Variants in IWS1 observed in about 807,000 individuals in gnomAD.
The protein encoded by IWS1 is protein IWS1 homolog.
In IWS1, 27 loss-of-function variants were observed where a neutral mutation model predicts 86.7. That is an observed-to-expected ratio of 0.31 (90% CI 0.23 to 0.43). The LOEUF (loss-of-function observed/expected upper bound fraction) is 0.43, where lower values mean the gene tolerates loss of function less well. IWS1 is among the 20% of genes least tolerant of loss of function. IWS1 has a pLI of 1.00. For missense variants in IWS1, 827 were observed against 1,000.8 expected (o/e 0.83, Z 2.34); for synonymous variants, 313 against 335.1 (o/e 0.93, Z 0.72).
intron 13 of IWS1, among the ~76,000 whole-genome samples, chr2:127,486,188 T>C (rs995627289): frequency 1.1e-4 from 17 of 152,156 alleles, no homozygotes; most frequent in African/African-American, 4.1e-4. Flanking sequence ...GAGAGGTAGG[T>C]CTGCTGAAGC....
At chr2:127,508,964 C>T (rs963694340) in intron 2 of IWS1, among the ~76,000 whole-genome samples, 19 of 152,178 alleles carry the variant, frequency 1.2e-4, no homozygotes, top group African/African-American at 3.6e-4. Flanking sequence ...AAAACAAACC[C>T]TTACAAGGAC....
At chr2:127,517,061 G>C (rs1487706927) in intron 2 of IWS1, among the ~76,000 whole-genome samples, 1 of 152,000 alleles carries the variant, frequency 6.6e-6, no homozygotes, top group East Asian at 1.9e-4. Context: ...CAAAGAAATC[G>C]AACATGTATA....
chr2:127,526,966 C>T (rs537272562), upstream of IWS1: 948 of 260,420 alleles, frequency 3.6e-3, 5 homozygotes, highest in Non-Finnish European at 6.0e-3. Flanking sequence ...CTCTTTCATT[C>T]TAAACAACGA....
chr2:127,494,803 C>T, intron 8 of IWS1, 69 bp downstream of exon 8: 2 of 822,648 alleles, frequency 2.4e-6, no homozygotes, highest in Non-Finnish European at 4.0e-6. Flanking sequence ...TCCTAGAACA[C>T]CAGTACATCA....
chr2:127,523,840 A>G (rs1315406807), intron 1 of IWS1, 49 bp from the exon 2 acceptor site: 3 of 1,243,264 alleles, frequency 2.4e-6, no homozygotes, highest in South Asian at 1.3e-5. Flanking sequence ...GATGAATGAC[A>G]TCTACAGTGA....
intron 9 of IWS1, 56 bp downstream of exon 9, chr2:127,493,225 C>A (rs1377362397): frequency 6.6e-7 from 1 of 1,511,800 alleles, no homozygotes; most frequent in Non-Finnish European, 8.9e-7. Flanking sequence ...CAGGTTATGA[C>A]CATACAGACC....
chr2:127,493,413 G>A lies in IWS1; in HGVS notation c.1800-3C>T, dbSNP rs919125175. 1.3e-6 allele frequency: 2 copies of A among 1,590,484 alleles called. No homozygotes were observed. Among genetic ancestry groups the A allele is most frequent in the East Asian group, 4.5e-5 (2 of 44,022 alleles). On this transcript the variant is annotated splice_polypyrimidine_tract_variant and splice_region_variant and intron_variant, in intron 8 of 13. Transcript: ENST00000295321. ...TGAATGTTTCTTTAAGGTCCTGCCT[G>A]CAGTAACAATAATTTTTAAAAATTC... is the stretch of plus-strand genomic sequence containing the variant.
intron 12 of IWS1, 54 bp from the exon 13 acceptor site, chr2:127,486,718 C>T: frequency 7.5e-7 from 1 of 1,337,184 alleles, no homozygotes; most frequent in Non-Finnish European, 1.1e-6. Flanking sequence ...CACAGTGGGG[C>T]ACATAGGCCA....
At chr2:127,500,960 A>C (rs758462681) in intron 5 of IWS1, among the ~76,000 whole-genome samples, 37 of 152,318 alleles carry the variant, frequency 2.4e-4, no homozygotes, top group Admixed American at 9.8e-4. Context: ...ACACATTTGC[A>C]AAGGCCTATG....
At chr2:127,494,378 G>A (rs1390631312) in intron 8 of IWS1, 1 of 152,144 alleles carries the variant, frequency 6.6e-6, no homozygotes, top group Admixed American at 6.6e-5. Flanking sequence ...GTACAATGCA[G>A]CCTTCAGGTA....
chr2:127,499,949 C>A lies in IWS1; in HGVS notation c.1468-1712G>T, dbSNP rs1410304912. Among the ~76,000 whole-genome samples, 1 of 152,062 alleles carries A rather than the reference C, an allele frequency of 6.6e-6. No homozygotes were observed. The highest frequency in any genetic ancestry group is 2.4e-5 in the African/African-American group (1 of 41,416). On this transcript the variant is annotated intron_variant, in intron 5 of 13. Coordinates refer to ENST00000295321, the MANE Select transcript of IWS1 (RefSeq NM_017969.3). The surrounding 1 kb of genome is among the most constrained non-coding windows in gnomAD (Gnocchi z 4.0). Reference sequence around the variant, plus strand: ...AAAAATCTTGACTCTTACCTCATACCACATACGAAACCAATTCTAGGTGAA... The same window carrying A: ...AAAAATCTTGACTCTTACCTCATACAACATACGAAACCAATTCTAGGTGAA...
At position 127,499,319 on chromosome 2, in the gene IWS1, T is replaced by C. The variant is rs1690681387; in HGVS notation, c.1468-1082A>G. Among the ~76,000 whole-genome samples, 1 of 152,186 alleles carries C rather than the reference T, an allele frequency of 6.6e-6. No homozygotes were observed. The highest frequency in any genetic ancestry group is 1.5e-5 in the Non-Finnish European group (1 of 68,024). ...GTTAGCCAGGATGGTCTCGATCTCC[T>C]GACCTTGTGAGCCGCCCACCTCGGC... On this transcript the variant is annotated intron_variant, in intron 5 of 13. Transcript: ENST00000295321. This position sits in a 1 kb window ranked among gnomAD's most constrained non-coding sequence, Gnocchi z 4.0.
chr2:127,493,476 T>C, intron 8 of IWS1, 66 bp from the exon 9 acceptor site: 1 of 1,449,916 alleles, frequency 6.9e-7, no homozygotes, highest in Middle Eastern at 2.0e-4. Flanking sequence ...CGACTTTTCT[T>C]ACATATTTAG....
chr2:127,495,057 C>T, intron 7 of IWS1, 103 bp from the exon 8 acceptor site: 1 of 666,110 alleles, frequency 1.5e-6, no homozygotes, highest in Non-Finnish European at 2.5e-6. Flanking sequence ...TTCAAAGAAA[C>T]AATTTTTCCT....
intron 8 of IWS1, among the ~76,000 whole-genome samples, chr2:127,493,835 A>C (rs1690364807): frequency 3.8e-5 from 1 of 26,382 alleles, no homozygotes; most frequent in Admixed American, 3.5e-4. Flanking sequence ...CACTGGCAGG[A>C]CAAAAAAAAA....
At chr2:127,522,403 T>C (rs919996543) in intron 2 of IWS1, among the ~76,000 whole-genome samples, 5 of 152,222 alleles carry the variant, frequency 3.3e-5, no homozygotes, top group Admixed American at 3.3e-4. Context: ...TGTTATCTTC[T>C]AGCAGACTAC....
intron 2 of IWS1, among the ~76,000 whole-genome samples, chr2:127,509,876 CAG>C (rs1260298988): frequency 2.0e-5 from 3 of 152,236 alleles, no homozygotes; most frequent in East Asian, 1.9e-4. Context: ...CCACAATACA[CAG>C]AGAGATAACT....
chr2:127,510,641 C>G (rs1031845293), intron 2 of IWS1, among the ~76,000 whole-genome samples: 1 of 151,992 alleles, frequency 6.6e-6, no homozygotes, highest in Non-Finnish European at 1.5e-5. Flanking sequence ...TACAAGCACA[C>G]GCCACCACGT....
chr2:127,484,217 C>A (rs778330056), intron 13 of IWS1, among the ~76,000 whole-genome samples: 2 of 152,092 alleles, frequency 1.3e-5, no homozygotes, highest in Non-Finnish European at 2.9e-5. Context: ...GAGGCTGAGG[C>A]GGGAGAATGG....
Sources: gnomAD v4.1 joint callset for allele counts (sites outside exome capture counted in the v4.1 genomes callset) on GRCh38, gnomAD v4.1.1 for gene constraint, Gnocchi (gnomAD v3.1) non-coding constraint, MANE v1.5 for transcripts, NCBI Gene and HGNC (gene_info 2026-07-23, HGNC 2026-07-21) for gene names.